ITK: variants seen among roughly 807,000 people sequenced by gnomAD.
The protein encoded by ITK is IL2 inducible T cell kinase.
Under a neutral mutation model 87.6 loss-of-function variants are expected in ITK, and 45 were observed. The observed-to-expected ratio is 0.51, with a 90% CI of 0.40 to 0.66. ITK has a LOEUF of 0.66. Ranked by LOEUF, ITK falls within the 30% of genes least tolerant of loss-of-function variation. The pLI, the probability that ITK is intolerant of heterozygous loss-of-function variation, is 0.00. For missense variants in ITK, 605 were observed against 766.3 expected (o/e 0.79, Z 2.48); for synonymous variants, 303 against 273.6 (o/e 1.11, Z -1.06).
At chr5:157,234,671 A>C (rs532727891) in intron 8 of ITK, among the ~76,000 whole-genome samples, 9 of 152,286 alleles carry the variant, frequency 5.9e-5, no homozygotes, top group Non-Finnish European at 1.2e-4. Context: ...CTAACACAGG[A>C]ATAGAAAACC....
At chr5:157,216,980 A>G (rs1477596331) in intron 4 of ITK, among the ~76,000 whole-genome samples, 1 of 152,116 alleles carries the variant, frequency 6.6e-6, no homozygotes, top group African/African-American at 2.4e-5. Context: ...TGAGGAACTC[A>G]TCGTCTACCT....
At chr5:157,229,488 A>G (rs1336889647) in intron 7 of ITK, among the ~76,000 whole-genome samples, 1 of 152,236 alleles carries the variant, frequency 6.6e-6, no homozygotes. Flanking sequence ...ACTTATAAGG[A>G]TATATTCATA....
chr5:157,215,942 T>C (rs1754289758), intron 4 of ITK, among the ~76,000 whole-genome samples: 2 of 152,246 alleles, frequency 1.3e-5, no homozygotes, highest in African/African-American at 4.8e-5. Context: ...GACATCTGAA[T>C]GACTCACCAG....
intron 4 of ITK, among the ~76,000 whole-genome samples, chr5:157,215,043 C>T (rs1350892943): frequency 2.6e-5 from 4 of 152,128 alleles, no homozygotes; most frequent in African/African-American, 4.8e-5. Flanking sequence ...AACCTCCAGT[C>T]GAGTACAACT....
rs1754579456 is a variant in ITK at position 157,228,358 on chromosome 5, A to G, written c.710A>G (p.Tyr237Cys). Residue 237 changes from tyrosine (Y) to cysteine (C), a missense_variant, in exon 7 of 17, where the codon TAT (tyrosine) becomes TGT (cysteine). Tyr to Cys is a radical substitution (Grantham distance 194, BLOSUM62 -2). Transcript: ENST00000422843. ...AAATCTCCAAATAATCTGGAAACCT[A>G]TGAGTAAGATATTTTATTTGTTTTT... ...VEKSPNNLET[Y>C]EWYNKSISRD... 1 of 1,567,558 alleles carries G rather than the reference A, an allele frequency of 6.4e-7. No homozygotes were observed. The highest frequency in any genetic ancestry group is 1.7e-5 in the Admixed American group (1 of 59,938).
chr5:157,226,882 C>T (rs1364120710), intron 6 of ITK, among the ~76,000 whole-genome samples: 1 of 152,156 alleles, frequency 6.6e-6, no homozygotes, highest in Non-Finnish European at 1.5e-5. Context: ...TCATGGCAAC[C>T]TCCACACCAC....
At chr5:157,201,249 G>A (rs1753966746) in intron 1 of ITK, among the ~76,000 whole-genome samples, 1 of 149,600 alleles carries the variant, frequency 6.7e-6, no homozygotes, top group South Asian at 2.1e-4. Context: ...ACTTAATGGT[G>A]AAAGACTGAG....
intron 1 of ITK, among the ~76,000 whole-genome samples, chr5:157,205,123 G>A (rs1754054436): frequency 6.6e-6 from 1 of 152,130 alleles, no homozygotes; most frequent in Non-Finnish European, 1.5e-5. Flanking sequence ...ACCCTTTATT[G>A]AGGGCATCTG....
chr5:157,211,061 G>T (rs181918221), intron 2 of ITK, among the ~76,000 whole-genome samples: 2 of 152,066 alleles, frequency 1.3e-5, no homozygotes, highest in Non-Finnish European at 2.9e-5. Context: ...TTTAGTGATT[G>T]CTCTCTTGGG....
intron 1 of ITK, among the ~76,000 whole-genome samples, chr5:157,181,989 G>A (rs411174): frequency 0.34 from 51,277 of 152,068 alleles, 9,106 homozygotes; most frequent in African/African-American, 0.44. Context: ...TCTACCTCCT[G>A]TTTCAGGTTC....
Position 157,222,772 on chromosome 5 carries a change from G to A in ITK, c.496-91G>A, listed in dbSNP as rs182240427. 138 of 1,265,176 alleles carry A rather than the reference G, an allele frequency of 1.1e-4. 1 individual carries two copies. In the African/African-American group the frequency reaches 1.7e-3, roughly 16 times the overall value. The allele number at this position is 1,265,176 out of a possible 1,614,324, so 78.4% of individuals were successfully genotyped here. Reference sequence around the variant, plus strand: ...TCATAAAGAAAGTCTACCAGAGGAAGGCAGACTGTCTCCCCAGACACCCCG... The same window carrying A: ...TCATAAAGAAAGTCTACCAGAGGAAAGCAGACTGTCTCCCCAGACACCCCG... On this transcript the variant is annotated intron_variant, in intron 5 of 16. Coordinates refer to ENST00000422843, the MANE Select transcript of ITK (RefSeq NM_005546.4).
At chr5:157,235,289 A>G (rs1188718666) in intron 8 of ITK, among the ~76,000 whole-genome samples, 1 of 152,188 alleles carries the variant, frequency 6.6e-6, no homozygotes, top group African/African-American at 2.4e-5. Context: ...TCTGGGACTT[A>G]CCTACATTTG....
At chr5:157,206,075 T>A (rs1009588332) in intron 1 of ITK, among the ~76,000 whole-genome samples, 2 of 145,908 alleles carry the variant, frequency 1.4e-5, no homozygotes, top group Non-Finnish European at 3.0e-5. Flanking sequence ...CACCTCAGCC[T>A]CCCGAGAAGC....
At chr5:157,188,943 G>T (rs1233001350) in intron 1 of ITK, among the ~76,000 whole-genome samples, 1 of 152,108 alleles carries the variant, frequency 6.6e-6, no homozygotes, top group Non-Finnish European at 1.5e-5. Flanking sequence ...CTTCATCACA[G>T]TATCACCATC....
intron 2 of ITK, among the ~76,000 whole-genome samples, chr5:157,210,110 G>A (rs1314821641): frequency 7.2e-5 from 11 of 152,122 alleles, no homozygotes; most frequent in Admixed American, 7.2e-4. Context: ...ATTTTTAGTA[G>A]AGATGGGGTT....
chr5:157,240,255 C>G (rs1754862604), intron 10 of ITK, 60 bp downstream of exon 10: 3 of 1,480,862 alleles, frequency 2.0e-6, no homozygotes, highest in Non-Finnish European at 2.8e-6. Context: ...AGCAGGTGAG[C>G]AAGCATTACT....
At chr5:157,222,225 C>G (rs993060424) in intron 5 of ITK, among the ~76,000 whole-genome samples, 2 of 152,112 alleles carry the variant, frequency 1.3e-5, no homozygotes, top group Non-Finnish European at 2.9e-5. Context: ...GGCGACTATG[C>G]GCTTTGTGGT....
intron 1 of ITK, among the ~76,000 whole-genome samples, chr5:157,186,312 G>A (rs373758094): frequency 6.8e-4 from 103 of 151,604 alleles, no homozygotes; most frequent in African/African-American, 2.4e-3. Context: ...TTCCACAAAT[G>A]CCCCAGGACA....
At position 157,245,992 on chromosome 5, in the gene ITK, G is replaced by A. The variant is rs1398771248; in HGVS notation, c.1626G>A (p.Trp542Ter). ...FSRYSSKSDV[W>*]SFGVLMWEVF... is the part of the protein sequence containing the mutation. ...GCTATAGCAGCAAGTCCGATGTGTG[G>A]TCATTTGGTGAGTGTCATGCTGGGC... The change falls in exon 15 of 17, where the codon TGG becomes TGA. Residue 542 changes from tryptophan to a stop codon, truncating the protein, a stop_gained. Transcript: ENST00000422843. LOFTEE classifies it high-confidence loss of function. The A allele has an allele frequency of 1.2e-6, 2 of 1,607,984 alleles. No individual in the cohort carries two copies. The highest frequency in any genetic ancestry group is 2.7e-5 in the African/African-American group (2 of 74,772).
Sources: gnomAD v4.1 joint callset for allele counts (sites outside exome capture counted in the v4.1 genomes callset) on GRCh38, gnomAD v4.1.1 for gene constraint, MANE v1.5 for transcripts, NCBI Gene and HGNC (gene_info 2026-07-23, HGNC 2026-07-21) for gene names.